KIAA1328: variants seen among roughly 807,000 people sequenced by gnomAD.
KIAA1328 encodes the protein KIAA1328.
In KIAA1328, 52 loss-of-function variants were observed where a neutral mutation model predicts 68.1. The ratio of observed to expected loss-of-function variants is 0.76; its 90% CI spans 0.61 to 0.96. KIAA1328 has a LOEUF of 0.96. KIAA1328 is among the 40% of genes least tolerant of loss of function. The pLI is 0.00. For missense variants in KIAA1328, 641 were observed against 677.6 expected, an observed-to-expected ratio of 0.95 and a Z score of 0.60; for synonymous variants, 232 against 239.4, an observed-to-expected ratio of 0.97 and a Z score of 0.28.
At chr18:36,843,651 A>G (rs1442841552) in intron 3 of KIAA1328, among the ~76,000 whole-genome samples, 1 of 152,196 alleles carries the variant, frequency 6.6e-6, no homozygotes, top group Non-Finnish European at 1.5e-5. Flanking sequence ...AATAGTAACT[A>G]TTAATACTTA....
At chr18:36,949,534 C>A (rs1053838422) in intron 5 of KIAA1328, among the ~76,000 whole-genome samples, 1 of 149,090 alleles carries the variant, frequency 6.7e-6, no homozygotes, top group Non-Finnish European at 1.5e-5. Flanking sequence ...TCCATAGGGT[C>A]TAATGACCTG....
At chr18:36,973,340 G>T (rs1332304867) in intron 6 of KIAA1328, among the ~76,000 whole-genome samples, 1 of 151,606 alleles carries the variant, frequency 6.6e-6, no homozygotes, top group Non-Finnish European at 1.5e-5. Context: ...CGGGGGAGGG[G>T]CGAGGGATAG....
At chr18:37,207,069 AAGAAAG>A (rs1439332564) in intron 9 of KIAA1328, among the ~76,000 whole-genome samples, 1 of 152,156 alleles carries the variant, frequency 6.6e-6, no homozygotes, top group Non-Finnish European at 1.5e-5. Context: ...AAGGTAGAAA[AAGAAAG>A]AGTAGTTGGA....
intron 9 of KIAA1328, among the ~76,000 whole-genome samples, chr18:37,198,910 T>C (rs190262558): frequency 1.1e-4 from 16 of 152,308 alleles, no homozygotes; most frequent in African/African-American, 3.8e-4. Flanking sequence ...ACACATAAGA[T>C]TGGTGACTTT....
At chr18:37,102,665 G>A (rs1255809163) in intron 7 of KIAA1328, among the ~76,000 whole-genome samples, 1 of 152,072 alleles carries the variant, frequency 6.6e-6, no homozygotes, top group Non-Finnish European at 1.5e-5. Flanking sequence ...ACTAAACCTG[G>A]AAGAAAACAA....
intron 6 of KIAA1328, among the ~76,000 whole-genome samples, chr18:37,017,235 C>A (rs2054183935): frequency 6.6e-6 from 1 of 151,996 alleles, no homozygotes; most frequent in Non-Finnish European, 1.5e-5. Flanking sequence ...CCTTCAGGAG[C>A]AAGTTGTTTA....
chr18:37,177,874 C>T (rs1374277172), intron 9 of KIAA1328, among the ~76,000 whole-genome samples: 1 of 151,918 alleles, frequency 6.6e-6, no homozygotes, highest in Non-Finnish European at 1.5e-5. Context: ...TTATGAGGTA[C>T]ATTGTGGTGT....
intron 5 of KIAA1328, 65 bp downstream of exon 5, chr18:36,885,737 G>A: frequency 9.3e-7 from 1 of 1,073,662 alleles, no homozygotes; most frequent in East Asian, 2.7e-5. Flanking sequence ...TTTTTTTTGA[G>A]ACGAAATCTC....
At chr18:37,051,812 G>A (rs1399083931) in intron 6 of KIAA1328, among the ~76,000 whole-genome samples, 3 of 152,256 alleles carry the variant, frequency 2.0e-5, no homozygotes, top group East Asian at 1.9e-4. Context: ...GGAGGCCAAG[G>A]CAGGCGGATC....
chr18:36,904,168 T>C (rs2049133774), intron 5 of KIAA1328, among the ~76,000 whole-genome samples: 1 of 152,114 alleles, frequency 6.6e-6, no homozygotes, highest in Admixed American at 6.6e-5. Flanking sequence ...GCTGCTATTA[T>C]TACCGTTATT....
intron 6 of KIAA1328, among the ~76,000 whole-genome samples, chr18:37,057,615 T>C (rs1298887507): frequency 6.6e-6 from 1 of 151,896 alleles, no homozygotes; most frequent in African/African-American, 2.4e-5. Context: ...TTTTGTATTT[T>C]TAGTAGAAAC....
intron 6 of KIAA1328, among the ~76,000 whole-genome samples, chr18:37,033,032 T>C (rs1026238198): frequency 6.6e-6 from 1 of 152,240 alleles, no homozygotes; most frequent in African/African-American, 2.4e-5. Context: ...TCTTATGATC[T>C]TTCTTCACTA....
intron 7 of KIAA1328, among the ~76,000 whole-genome samples, chr18:37,118,914 A>T (rs1237645976): frequency 6.6e-6 from 1 of 152,198 alleles, no homozygotes; most frequent in Non-Finnish European, 1.5e-5. Context: ...CCCTAGTCCC[A>T]CAAGCCATTG....
chr18:37,098,372 A>G (rs961899417), intron 7 of KIAA1328, among the ~76,000 whole-genome samples: 6 of 152,228 alleles, frequency 3.9e-5, no homozygotes, highest in African/African-American at 1.4e-4. Context: ...ATGCTGGATT[A>G]CATTTATTGA....
chr18:36,897,599 A>G (rs528831132), intron 5 of KIAA1328, among the ~76,000 whole-genome samples: 10 of 152,172 alleles, frequency 6.6e-5, no homozygotes, highest in African/African-American at 2.2e-4. Context: ...ACAGCCTATG[A>G]TATGGTGACA....
At chr18:37,015,496 T>G (rs2054121489) in intron 6 of KIAA1328, among the ~76,000 whole-genome samples, 1 of 152,280 alleles carries the variant, frequency 6.6e-6, no homozygotes, top group South Asian at 2.1e-4. Context: ...TTTTTTGGTT[T>G]CATATGATTT....
At chr18:36,994,357 G>T (rs949570813) in intron 6 of KIAA1328, among the ~76,000 whole-genome samples, 3 of 152,098 alleles carry the variant, frequency 2.0e-5, no homozygotes, top group South Asian at 2.1e-4. Context: ...AAATTTGAAA[G>T]AATTTTTTAG....
At chr18:36,971,454 A>G (rs2052206576) in intron 6 of KIAA1328, among the ~76,000 whole-genome samples, 1 of 152,114 alleles carries the variant, frequency 6.6e-6, no homozygotes, top group Non-Finnish European at 1.5e-5. Flanking sequence ...ACATGGTGAA[A>G]CCCTGTCTCT....
intron 5 of KIAA1328, among the ~76,000 whole-genome samples, chr18:36,925,684 C>T (rs2050088589): frequency 6.6e-6 from 1 of 151,936 alleles, no homozygotes; most frequent in Non-Finnish European, 1.5e-5. Context: ...ACTACAGGTG[C>T]ATGCCACCAT....
Sources: gnomAD v4.1 joint callset for allele counts (sites outside exome capture counted in the v4.1 genomes callset) on GRCh38, gnomAD v4.1.1 for gene constraint, MANE v1.5 for transcripts, NCBI Gene and HGNC (gene_info 2026-07-23, HGNC 2026-07-21) for gene names.